ADGRL3: variants seen among roughly 807,000 people sequenced by gnomAD.
The protein encoded by ADGRL3 is calcium-independent alpha-latrotoxin receptor 3.
In ADGRL3, 62 loss-of-function variants were observed where a neutral mutation model predicts 153.5. The observed-to-expected ratio is 0.40, with a 90% CI of 0.33 to 0.50. The LOEUF (loss-of-function observed/expected upper bound fraction) is 0.50, where lower values mean the gene tolerates loss of function less well. Among genes scored for constraint, ADGRL3 ranks in the 20% least tolerant of loss-of-function variants. The pLI is 0.47. For missense variants in ADGRL3, 1,641 were observed against 1,859.4 expected (o/e 0.88, Z 2.16); for synonymous variants, 710 against 672.5 (o/e 1.06, Z -0.86).
intron 6 of ADGRL3, among the ~76,000 whole-genome samples, chr4:61,689,753 C>T (rs184959396): frequency 6.6e-6 from 1 of 152,088 alleles, no homozygotes; most frequent in East Asian, 1.9e-4. Flanking sequence ...ATTGTTTGGC[C>T]TTTGGTTGCT....
chr4:62,005,441 A>G (rs2099154091), intron 21 of ADGRL3, among the ~76,000 whole-genome samples: 1 of 152,192 alleles, frequency 6.6e-6, no homozygotes, highest in African/African-American at 2.4e-5. Context: ...AATCCTTGAG[A>G]TCAAATTATA....
chr4:61,379,483 C>A (rs948407653), intron 1 of ADGRL3, among the ~76,000 whole-genome samples: 8 of 152,034 alleles, frequency 5.3e-5, no homozygotes, highest in African/African-American at 1.7e-4. Flanking sequence ...ATAAAAATTT[C>A]TCTAACTCGT....
intron 8 of ADGRL3, among the ~76,000 whole-genome samples, chr4:61,794,166 T>G (rs2097377803): frequency 6.6e-6 from 1 of 152,162 alleles, no homozygotes; most frequent in African/African-American, 2.4e-5. Flanking sequence ...TGTTAAAGAG[T>G]TTTAAACACG....
chr4:61,486,679 G>T (rs145333176), intron 2 of ADGRL3, among the ~76,000 whole-genome samples: 3 of 152,228 alleles, frequency 2.0e-5, no homozygotes, highest in East Asian at 1.9e-4. Flanking sequence ...ATTAATAACA[G>T]AATTAAATAC....
chr4:61,875,241 T>C (rs1248946144), intron 9 of ADGRL3, among the ~76,000 whole-genome samples: 2 of 152,204 alleles, frequency 1.3e-5, no homozygotes, highest in Non-Finnish European at 2.9e-5. Context: ...CCACATTATT[T>C]GGGGTTGGAG....
At chr4:61,392,348 C>T (rs923037401) in intron 2 of ADGRL3, among the ~76,000 whole-genome samples, 3 of 151,918 alleles carry the variant, frequency 2.0e-5, no homozygotes, top group East Asian at 1.9e-4. Flanking sequence ...ACGTCAAGTG[C>T]CCTTCAGAAT....
chr4:61,484,368 T>A (rs2098166649), intron 2 of ADGRL3, among the ~76,000 whole-genome samples: 1 of 152,190 alleles, frequency 6.6e-6, no homozygotes, highest in African/African-American at 2.4e-5. Flanking sequence ...AGTTGGAATG[T>A]CAATATCCCT....
chr4:61,692,792 T>A (rs1382586197), intron 6 of ADGRL3, among the ~76,000 whole-genome samples: 1 of 152,158 alleles, frequency 6.6e-6, no homozygotes, highest in Non-Finnish European at 1.5e-5. Flanking sequence ...TTTGAATAGC[T>A]ATTCCCCAAT....
At chr4:61,844,533 C>T (rs1282579849) in intron 9 of ADGRL3, among the ~76,000 whole-genome samples, 4 of 80,990 alleles carry the variant, frequency 4.9e-5, no homozygotes, top group Non-Finnish European at 8.6e-5. Flanking sequence ...GGTGACAAAG[C>T]GAGACTGCAT....
chr4:61,931,416 C>T (rs1233210211), intron 13 of ADGRL3, among the ~76,000 whole-genome samples: 1 of 152,174 alleles, frequency 6.6e-6, no homozygotes, highest in African/African-American at 2.4e-5. Context: ...AAGGTTGCAA[C>T]TTGAGCACTT....
intron 8 of ADGRL3, among the ~76,000 whole-genome samples, chr4:61,746,088 A>G (rs959533900): frequency 2.0e-5 from 3 of 152,324 alleles, no homozygotes; most frequent in African/African-American, 7.2e-5. Context: ...CTTTAAACCA[A>G]CAAAGATCAA....
intron 5 of ADGRL3, among the ~76,000 whole-genome samples, chr4:61,661,008 T>A (rs2094577445): frequency 6.6e-6 from 1 of 152,110 alleles, no homozygotes. Context: ...TTATTGAATA[T>A]GTATATTCAA....
In ADGRL3 at chr4:62,071,045, CTTT is replaced by C; in HGVS notation, c.*147_*149del. 3.3e-6 allele frequency: 2 copies of C among 606,332 alleles called. No homozygotes were observed. The highest frequency in any genetic ancestry group is 5.2e-6 in the Non-Finnish European group (2 of 384,846). The allele number at this position is 606,332 out of a possible 1,614,324, so 37.6% of individuals were successfully genotyped here. A position where few individuals can be genotyped will look rare whatever the true frequency, so the allele number is the denominator to read the frequency against. On this transcript the variant is annotated 3_prime_UTR_variant, in exon 27 of 27. Coordinates refer to ENST00000683033, the MANE Select transcript of ADGRL3 (RefSeq NM_001387552.1). The stretch of plus-strand genomic sequence containing the variant: ...CTAAAGACAAACACAAACTCTCAGA[CTTT>C]TTTTTTTTTAATGGGATTTTTAGGT...
At chr4:61,650,378 T>TAA (rs567775613) in intron 5 of ADGRL3, among the ~76,000 whole-genome samples, 1 of 152,038 alleles carries the variant, frequency 6.6e-6, no homozygotes, top group Non-Finnish European at 1.5e-5. Context: ...AAGCAATGAG[T>TAA]AAAAGCATGT....
At position 61,851,556 on chromosome 4, in the gene ADGRL3, C is replaced by T. The variant is rs114212273; in HGVS notation, c.1480+37667C>T. On this transcript the variant is annotated intron_variant, in intron 9 of 26. Transcript: ENST00000683033. ...AGTGAGGCATGATCATGCCACTGCA[C>T]GCCAGCATGAGCAACAGAGTGAGAC... 4.9e-3 allele frequency among the ~76,000 whole-genome samples: 685 copies of T among 140,136 alleles called. 3 individuals carry two copies. Among genetic ancestry groups the T allele is most frequent in the African/African-American group, 0.015 (554 of 36,900 alleles). 91.9% of individuals were successfully genotyped at this position (140,136 alleles called of 152,430 possible).
At chr4:61,349,941 G>A (rs1034877800) in intron 1 of ADGRL3, among the ~76,000 whole-genome samples, 2 of 152,076 alleles carry the variant, frequency 1.3e-5, no homozygotes, top group Non-Finnish European at 2.9e-5. Flanking sequence ...ATATAAACAT[G>A]CATTAATTCT....
chr4:62,001,987 A>ACAT (rs1347257814), intron 21 of ADGRL3, among the ~76,000 whole-genome samples: 1 of 152,000 alleles, frequency 6.6e-6, no homozygotes, highest in Non-Finnish European at 1.5e-5. Context: ...TCTTTCACAC[A>ACAT]CATATATCTC....
At chr4:61,814,058 G>A (rs1476310060) in intron 9 of ADGRL3, among the ~76,000 whole-genome samples, 169 bp downstream of exon 9, 5 of 152,220 alleles carry the variant, frequency 3.3e-5, no homozygotes, top group African/African-American at 9.6e-5. Flanking sequence ...AAACAAAAAT[G>A]TGAAATATTT....
rs534816021 is a variant in ADGRL3 at position 61,309,404 on chromosome 4, C to T, written c.-239-73720C>T. ...GCTTAGTAACCCCTGGAGTATGTTACAAGCACCTTATTTACTCATTGCATA... is the reference window on the plus strand; with the variant it reads ...GCTTAGTAACCCCTGGAGTATGTTATAAGCACCTTATTTACTCATTGCATA... On this transcript the variant is annotated intron_variant, in intron 1 of 26. Transcript: ENST00000683033. 2.2e-4 allele frequency among the ~76,000 whole-genome samples: 34 copies of T among 152,288 alleles called. No homozygotes were observed. The South Asian group carries it at 2.5e-3, about 11-fold the overall frequency.
Sources: gnomAD v4.1 joint callset for allele counts (sites outside exome capture counted in the v4.1 genomes callset) on GRCh38, gnomAD v4.1.1 for gene constraint, MANE v1.5 for transcripts, NCBI Gene and HGNC (gene_info 2026-07-23, HGNC 2026-07-21) for gene names.